ANAPC2: variants seen among roughly 807,000 people sequenced by gnomAD.
ANAPC2 encodes the protein anaphase-promoting complex subunit 2.
A neutral mutation model predicts 84.3 loss-of-function variants in ANAPC2; 29 were observed. That is an observed-to-expected ratio of 0.34 (90% CI 0.26 to 0.47). The LOEUF is 0.47. Among genes scored for constraint, ANAPC2 ranks in the 20% least tolerant of loss-of-function variants. ANAPC2 has a pLI of 1.00. For synonymous variants in ANAPC2, 571 were observed against 479.4 expected (o/e 1.19, Z -2.50); for missense variants, 857 against 1,131.7 (o/e 0.76, Z 3.48).
intron 1 of ANAPC2, 30 bp from the exon 2 acceptor site, chr9:137,188,133 G>T: frequency 1.3e-6 from 2 of 1,599,314 alleles, no homozygotes; most frequent in Non-Finnish European, 1.7e-6. Context: ...GAGGCGAGGG[G>T]AACACAACAT....
chr9:137,183,736 C>G lies in ANAPC2; in HGVS notation c.1104G>C (p.Thr368=), dbSNP rs147557615. The G allele has an allele frequency of 6.2e-7, 1 of 1,613,276 alleles. No individual in the cohort carries two copies. The highest frequency in any genetic ancestry group is 2.2e-5 in the East Asian group (1 of 44,886). Reference sequence around the variant, plus strand: ...ACACGAGCAGCTGCTGCCTCTGGTCCGTCCTCTCCAGGCAGTACTTGAGGT... The same window carrying G: ...ACACGAGCAGCTGCTGCCTCTGGTCGGTCCTCTCCAGGCAGTACTTGAGGT... ...IEDLKYCLER[T]DQRQQLLVSL... is the part of the protein sequence containing the mutation. Residue 368 remains threonine, a synonymous_variant, in exon 5 of 13, where the codon ACG becomes ACC. Coordinates refer to ENST00000323927, the MANE Select transcript of ANAPC2 (RefSeq NM_013366.4).
intron 2 of ANAPC2, 91 bp from the exon 3 acceptor site, chr9:137,186,447 G>A (rs759020174): frequency 3.3e-5 from 48 of 1,475,394 alleles, no homozygotes; most frequent in Non-Finnish European, 4.0e-5. Flanking sequence ...CCTGCCTGTA[G>A]AGTGCATGCA....
intron 10 of ANAPC2, chr9:137,176,152 C>CATATTTGCAAACAGGGTTGATGCTGATGT (rs1834206848): frequency 4.7e-6 from 1 of 214,710 alleles, no homozygotes; most frequent in African/African-American, 3.8e-5. Context: ...CATCCTAACC[C>CATATTTGCAAACAGGGTTGATGCTGATGT]AACTGACTGG....
rs1834321528 is a variant in ANAPC2, at chr9:137,180,540, G to A, written c.1611-13C>T. The A allele has an allele frequency of 6.2e-7, 1 of 1,612,906 alleles. No homozygotes were observed. Among genetic ancestry groups the A allele is most frequent in the Non-Finnish European group, 8.5e-7 (1 of 1,179,892 alleles). The stretch of plus-strand genomic sequence containing the variant: ...GTTGCGGATCTCCCTGGAAAGACGA[G>A]TGTCTGGGCAGGGGGTCGTGATGAG... On this transcript the variant is annotated splice_polypyrimidine_tract_variant and intron_variant, in intron 8 of 12. Transcript: ENST00000323927.
rs562403249 is a variant in ANAPC2 at position 137,188,550 on chromosome 9, G to C, written c.-18C>G. 1.1e-5 allele frequency: 18 copies of C among 1,598,502 alleles called. No homozygotes were observed. The highest frequency in any genetic ancestry group is 1.4e-5 in the Non-Finnish European group (16 of 1,175,444). ...GCCGCCATCTGCACCCACCGACTCCGAGATTCGCTCGGCGCGGCGCGCGGC... is the reference window on the plus strand; with the variant it reads ...GCCGCCATCTGCACCCACCGACTCCCAGATTCGCTCGGCGCGGCGCGCGGC... On this transcript the variant is annotated 5_prime_UTR_variant, in exon 1 of 13. Transcript: ENST00000323927.
chr9:137,180,494 G>A lies in ANAPC2; in HGVS notation c.1644C>T (p.Arg548=), dbSNP rs1347209914. Residue 548 remains arginine, a synonymous_variant, in exon 9 of 13, where the codon CGC becomes CGT. Transcript: ENST00000323927. ...AGAAGTGCATTGGGGCCTCGCCAAA[G>A]CGCAGCTTCAGCAGCTCCACGTTGC... is the stretch of plus-strand genomic sequence containing the variant. The part of the protein sequence containing the change: ...EIRNVELLKL[R]FGEAPMHFCE... 2.5e-6 allele frequency: 4 copies of A among 1,613,040 alleles called. No homozygotes were observed. Among genetic ancestry groups the A allele is most frequent in the Middle Eastern group, 1.6e-4 (1 of 6,062 alleles).
chr9:137,179,295 T>A (rs1468530491), intron 10 of ANAPC2, among the ~76,000 whole-genome samples: 3 of 151,770 alleles, frequency 2.0e-5, no homozygotes, highest in Admixed American at 2.0e-4. Context: ...GCCCCACACA[T>A]CAGACAGAAA....
In ANAPC2 at chr9:137,180,515, G is replaced by A. The variant is rs199697066; in HGVS notation, c.1623C>T (p.Asn541=). The A allele has an allele frequency of 2.6e-5, 42 of 1,613,046 alleles. No homozygotes were observed. The highest frequency in any genetic ancestry group is 1.6e-4 in the East Asian group (7 of 44,872). The change falls in exon 9 of 13, where the codon AAC becomes AAT. Residue 541 remains asparagine, a synonymous_variant. Coordinates refer to ENST00000323927, the MANE Select transcript of ANAPC2 (RefSeq NM_013366.4). ...FSFSPEREIR[N]VELLKLRFGE... ...CAAAGCGCAGCTTCAGCAGCTCCAC[G>A]TTGCGGATCTCCCTGGAAAGACGAG...
At chr9:137,183,273 C>T (rs1216618207) in intron 5 of ANAPC2, 31 bp from the exon 6 acceptor site, 3 of 1,577,554 alleles carry the variant, frequency 1.9e-6, no homozygotes, top group Non-Finnish European at 2.6e-6. Flanking sequence ...AGCAGTCATG[C>T]AGTGCCCGGG....
At position 137,180,797 on chromosome 9, in the gene ANAPC2, C is replaced by T; in HGVS notation, c.1601G>A (p.Ser534Asn). The T allele has an allele frequency of 6.2e-7, 1 of 1,611,532 alleles. No individual in the cohort carries two copies. Among genetic ancestry groups the T allele is most frequent in the Non-Finnish European group, 8.5e-7 (1 of 1,179,790 alleles). The change falls in exon 8 of 13, where the codon AGC becomes AAC. Residue 534 changes from serine to asparagine, a missense_variant. By Grantham distance (46) the Ser-to-Asn change is conservative. Transcript: ENST00000323927. ...ADRLLHQFSF[S>N]PEREIRNVEL... ...GCGTCACAGGCCTCACCGCTCGGGG[C>T]TGAAGCTGAACTGGTGCAGCAGGCG...
Position 137,187,909 on chromosome 9 carries a change from C to T in ANAPC2, c.312G>A (p.Glu104=). The change falls in exon 2 of 13, where the codon GAG becomes GAA. Residue 104 remains glutamate (E), a synonymous_variant. Transcript: ENST00000323927. ...AISQCENSAD[E]PQCLLLLLDA... is the part of the protein sequence containing the mutation. ...CAAGGAGTAGCAAAAGGCACTGGGG[C>T]TCATCCGCAGAGTTCTCGCATTGGG... is the stretch of plus-strand genomic sequence containing the variant. The T allele has an allele frequency of 6.2e-7, 1 of 1,613,822 alleles. No homozygotes were observed. The highest frequency in any genetic ancestry group is 8.5e-7 in the Non-Finnish European group (1 of 1,180,040).
chr9:137,186,480 AG>A, intron 2 of ANAPC2, 124 bp from the exon 3 acceptor site: 13 of 1,293,706 alleles, frequency 1.0e-5, no homozygotes, highest in South Asian at 1.5e-5. Context: ...ACACACACCC[AG>A]CACACACCTC....
At chr9:137,179,563 C>A (rs1480600335) in intron 10 of ANAPC2, among the ~76,000 whole-genome samples, 1 of 152,246 alleles carries the variant, frequency 6.6e-6, no homozygotes, top group Non-Finnish European at 1.5e-5. Context: ...ACACTGTCCC[C>A]ATCTGCCAGT....
rs1834505869 is a variant in ANAPC2, at chr9:137,187,625, A to G, written c.596T>C (p.Leu199Pro). Residue 199 changes from leucine to proline, a missense_variant, in exon 2 of 13, where the codon CTG (leucine) becomes CCG (proline). By Grantham distance (98) the Leu-to-Pro change is moderately conservative. Coordinates refer to ENST00000323927, the MANE Select transcript of ANAPC2 (RefSeq NM_013366.4). ...ATACCGGCTGTCCAGCTCCCCTTCC[A>G]GTTCCGGGTCTGTGCCCCCTTCCCC... ...RKGEGGTDPELEGELDSRYAR... is the reference protein window; with the variant it reads ...RKGEGGTDPEPEGELDSRYAR... 6.2e-7 allele frequency: 1 copy of G among 1,614,034 alleles called. No homozygotes were observed. The highest frequency in any genetic ancestry group is 2.2e-5 in the East Asian group (1 of 44,884).
intron 10 of ANAPC2, among the ~76,000 whole-genome samples, chr9:137,179,191 T>C (rs1834285779): frequency 6.6e-6 from 1 of 152,136 alleles, no homozygotes; most frequent in South Asian, 2.1e-4. Flanking sequence ...GGATGCTGGC[T>C]GTGCCCCAGA....
chr9:137,175,682 G>A (rs766915775), intron 11 of ANAPC2, 26 bp downstream of exon 11: 25 of 1,601,578 alleles, frequency 1.6e-5, no homozygotes, highest in Non-Finnish European at 2.1e-5. Context: ...GGCCGGGGCA[G>A]GCCAGCTAGG....
rs371616564 is a variant in ANAPC2, at chr9:137,180,901, C to T, written c.1497G>A (p.Ser499=). 8.3e-5 allele frequency: 134 copies of T among 1,613,314 alleles called. 1 individual carries two copies. The highest frequency in any genetic ancestry group is 1.6e-4 in the Middle Eastern group (1 of 6,084). The change falls in exon 8 of 13, where the codon TCG becomes TCA. Residue 499 remains serine, a synonymous_variant. Transcript: ENST00000323927. ...TGCTGACCAGCAGGCTGATGATGTCCGATGAACGCCGCTTGGAGCTCGACT... is the reference window on the plus strand; with the variant it reads ...TGCTGACCAGCAGGCTGATGATGTCTGATGAACGCCGCTTGGAGCTCGACT... ...PGKSSSKRRS[S]DIISLLVSIY... is the part of the protein sequence containing the mutation.
chr9:137,174,881 G>C lies in ANAPC2; in HGVS notation c.*61C>G. ...GACACGGGCGGGCGGGGGCTGGCAC[G>C]GGAGGACGAGAGCACCTGCAGGGCA... On this transcript the variant is annotated 3_prime_UTR_variant, in exon 13 of 13. Transcript: ENST00000323927. The surrounding 1 kb of genome is among the most constrained non-coding windows in gnomAD (Gnocchi z 6.1). The C allele has an allele frequency of 6.8e-7, 1 of 1,462,664 alleles. No homozygotes were observed. The highest frequency in any genetic ancestry group is 1.4e-5 in the South Asian group (1 of 73,272). The allele number at this position is 1,462,664 out of a possible 1,614,324, so 90.6% of individuals were successfully genotyped here.
At chr9:137,181,057 G>A in intron 7 of ANAPC2, 128 bp from the exon 8 acceptor site, 2 of 1,198,390 alleles carry the variant, frequency 1.7e-6, no homozygotes, top group South Asian at 1.5e-5. Context: ...TCGAGGCTGG[G>A]AGCAGCCCTG....
Sources: gnomAD v4.1 joint callset for allele counts (sites outside exome capture counted in the v4.1 genomes callset) on GRCh38, gnomAD v4.1.1 for gene constraint, Gnocchi (gnomAD v3.1) non-coding constraint, MANE v1.5 for transcripts, NCBI Gene and HGNC (gene_info 2026-07-23, HGNC 2026-07-21) for gene names.